The following RBFOX1 variants were observed in gnomAD, a reference collection of about 807,000 sequenced individuals.
RBFOX1 encodes the protein RNA binding protein fox-1 homolog 1.
Under a neutral mutation model 57.7 loss-of-function variants are expected in RBFOX1, and 8 were observed. The ratio of observed to expected loss-of-function variants is 0.14; its 90% CI spans 0.08 to 0.25. The LOEUF is 0.25. RBFOX1 is among the 10% of genes least tolerant of loss of function. RBFOX1 has a pLI of 1.00. For missense variants in RBFOX1, 611 were observed against 548.5 expected, an observed-to-expected ratio of 1.11 and a Z score of -1.14; for synonymous variants, 326 against 222.4, an observed-to-expected ratio of 1.47 and a Z score of -4.15.
At chr16:6,968,143 ACTCGGC>A (rs2084706853) in intron 3 of RBFOX1, among the ~76,000 whole-genome samples, 1 of 151,958 alleles carries the variant, frequency 6.6e-6, no homozygotes, top group South Asian at 2.1e-4. Flanking sequence ...CCACCGCTAG[ACTCGGC>A]CTCAGGGTGG....
intron 2 of RBFOX1, among the ~76,000 whole-genome samples, chr16:6,494,676 T>C (rs1377020188): frequency 6.6e-6 from 1 of 152,238 alleles, no homozygotes; most frequent in Non-Finnish European, 1.5e-5. Context: ...GAGTTTCACT[T>C]CTCTGGCATA....
intron 5 of RBFOX1, among the ~76,000 whole-genome samples, chr16:7,542,844 G>A (rs1567746060): frequency 2.9e-4 from 3 of 10,354 alleles, no homozygotes; most frequent in African/African-American, 9.6e-4. Flanking sequence ...AGGGGAGAGA[G>A]AAGGAGAGGG....
chr16:7,210,643 T>C, intron 4 of RBFOX1, among the ~76,000 whole-genome samples: 1 of 152,222 alleles, frequency 6.6e-6, no homozygotes, highest in East Asian at 1.9e-4. Flanking sequence ...CTCTGTATTT[T>C]GCTCTTAGTA....
At chr16:5,417,483 G>A (rs1381006370) in intron 1 of RBFOX1, among the ~76,000 whole-genome samples, 3 of 152,136 alleles carry the variant, frequency 2.0e-5, no homozygotes, top group African/African-American at 7.2e-5. Context: ...ATTAAAGGTG[G>A]TGTAGATAAG....
rs551740768 is a variant in RBFOX1, at chr16:7,420,708, G to A, written c.28-97439G>A. 3.3e-5 allele frequency among the ~76,000 whole-genome samples: 5 copies of A among 151,126 alleles called. No individual in the cohort carries two copies. In the East Asian group the frequency reaches 9.7e-4, roughly 29 times the overall value. On this transcript the variant is annotated intron_variant, in intron 4 of 15. Transcript: ENST00000550418. The stretch of plus-strand genomic sequence containing the variant: ...ATAGCAGTAATTGGGCATATAGCAG[G>A]GGTCATGTACAAATGTATGACTTCA...
chr16:5,592,341 A>C (rs1485641574), intron 2 of RBFOX1, among the ~76,000 whole-genome samples: 2 of 151,854 alleles, frequency 1.3e-5, no homozygotes, highest in Non-Finnish European at 2.9e-5. Context: ...CAGAATTTTA[A>C]ATCTTTTGTT....
At chr16:5,873,744 A>G (rs551889669) in intron 4 of RBFOX1, among the ~76,000 whole-genome samples, 1 of 152,312 alleles carries the variant, frequency 6.6e-6, no homozygotes, top group South Asian at 2.1e-4. Flanking sequence ...TGTCCCCATA[A>G]GGCTTCCTAC....
chr16:6,502,245 G>A (rs1025722618), intron 2 of RBFOX1, among the ~76,000 whole-genome samples: 8 of 152,130 alleles, frequency 5.3e-5, no homozygotes, highest in Non-Finnish European at 1.2e-4. Flanking sequence ...ATCTAGATCG[G>A]CTACAATAGT....
intron 1 of RBFOX1, among the ~76,000 whole-genome samples, chr16:5,249,270 G>A (rs972145186): frequency 3.3e-5 from 5 of 152,172 alleles, no homozygotes; most frequent in Non-Finnish European, 5.9e-5. Context: ...GGGGTGCCCT[G>A]GTTTCCTTGG....
intron 3 of RBFOX1, among the ~76,000 whole-genome samples, chr16:5,857,838 T>C (rs967467773): frequency 6.6e-6 from 1 of 151,780 alleles, no homozygotes; most frequent in Non-Finnish European, 1.5e-5. Flanking sequence ...CCCAGTTAAC[T>C]GGGGAGGCTG....
chr16:7,075,432 G>T lies in RBFOX1; in HGVS notation c.27+23334G>T, dbSNP rs191547716. The stretch of plus-strand genomic sequence containing the variant: ...AGCATACATGATTAGGGGAAAGAAG[G>T]ATAAAACAGTTGCAAGTATTTAATA... On this transcript the variant is annotated intron_variant, in intron 4 of 15. Coordinates refer to ENST00000550418, the MANE Select transcript of RBFOX1 (RefSeq NM_018723.4). Among the ~76,000 whole-genome samples, 3 of 152,278 alleles carry T rather than the reference G, an allele frequency of 2.0e-5. No homozygotes were observed. In the East Asian group the frequency reaches 5.8e-4, roughly 29 times the overall value.
At chr16:7,402,210 A>C (rs1200897059) in intron 4 of RBFOX1, among the ~76,000 whole-genome samples, 1 of 152,056 alleles carries the variant, frequency 6.6e-6, no homozygotes, top group Non-Finnish European at 1.5e-5. Context: ...TTAAGTACTC[A>C]CTGAGTCTTG....
intron 1 of RBFOX1, among the ~76,000 whole-genome samples, chr16:5,248,211 A>G (rs2062352217): frequency 6.6e-6 from 1 of 152,268 alleles, no homozygotes; most frequent in Non-Finnish European, 1.5e-5. Context: ...AACTGGCGTT[A>G]TGGAAATTAA....
chr16:7,422,151 T>TGTGTAC (rs2098549015), intron 4 of RBFOX1, among the ~76,000 whole-genome samples: 1 of 152,164 alleles, frequency 6.6e-6, no homozygotes, highest in South Asian at 2.1e-4. Flanking sequence ...TGTGTATGTT[T>TGTGTAC]GTGTACGTGT....
chr16:6,550,932 C>G (rs1050640174), intron 2 of RBFOX1, among the ~76,000 whole-genome samples: 1 of 152,152 alleles, frequency 6.6e-6, no homozygotes, highest in South Asian at 2.1e-4. Context: ...AAGTTATCAT[C>G]ATTTGGGTCT....
At chr16:6,826,807 T>G (rs1414386436) in intron 3 of RBFOX1, among the ~76,000 whole-genome samples, 1 of 152,200 alleles carries the variant, frequency 6.6e-6, no homozygotes, top group Non-Finnish European at 1.5e-5. Context: ...TCTCATGAAT[T>G]TAAACATTAA....
chr16:7,141,806 G>C (rs2073857908), intron 4 of RBFOX1, among the ~76,000 whole-genome samples: 1 of 151,980 alleles, frequency 6.6e-6, no homozygotes, highest in Non-Finnish European at 1.5e-5. Context: ...CCATCATATT[G>C]ACGACCGCAC....
chr16:6,838,282 G>C (rs1227901827), intron 3 of RBFOX1, among the ~76,000 whole-genome samples: 1 of 151,880 alleles, frequency 6.6e-6, no homozygotes, highest in Non-Finnish European at 1.5e-5. Context: ...TGTGGTGTTT[G>C]GTTTTCTGTT....
At chr16:6,098,459 C>G (rs1025977901) in intron 1 of RBFOX1, among the ~76,000 whole-genome samples, 2 of 152,198 alleles carry the variant, frequency 1.3e-5, no homozygotes, top group Admixed American at 6.5e-5. Context: ...ACCCCAGCCT[C>G]GGGAGGCCCA....
Sources: gnomAD v4.1 joint callset for allele counts (sites outside exome capture counted in the v4.1 genomes callset) on GRCh38, gnomAD v4.1.1 for gene constraint, MANE v1.5 for transcripts, NCBI Gene and HGNC (gene_info 2026-07-23, HGNC 2026-07-21) for gene names.